QRICH2: variants seen among roughly 807,000 people sequenced by gnomAD.
The protein encoded by QRICH2 is glutamine-rich protein 2.
A neutral mutation model predicts 168.3 loss-of-function variants in QRICH2; 119 were observed. That is an observed-to-expected ratio of 0.71 (90% CI 0.61 to 0.82). The LOEUF (loss-of-function observed/expected upper bound fraction) is 0.82. QRICH2 is among the 40% of genes least tolerant of loss of function. The pLI is 0.00. For synonymous variants in QRICH2, 894 were observed against 951.2 expected (o/e 0.94, Z 1.11); for missense variants, 2,241 against 2,491.6 (o/e 0.90, Z 2.14).
chr17:76,274,269 C>T lies in QRICH2; in HGVS notation c.5483-9G>A, dbSNP rs1294686905. The T allele has an allele frequency of 6.3e-7, 1 of 1,581,766 alleles. No homozygotes were observed. Among genetic ancestry groups the T allele is most frequent in the East Asian group, 2.4e-5 (1 of 42,180 alleles). ...CTGTTGACGAGAAGAAACTGTAAGA[C>T]AGGGGTGCTGAGGTTGCTCAACACA... On this transcript the variant is annotated splice_polypyrimidine_tract_variant and intron_variant, in intron 18 of 18. Transcript: ENST00000680821.
chr17:76,276,677 C>T lies in QRICH2; in HGVS notation c.5353+3G>A. The stretch of plus-strand genomic sequence containing the variant: ...TGCCTGGGGGCCTCTGGACTCCACT[C>T]ACTGTCTTTTCGGAGGATGCCTGGC... On this transcript the variant is annotated splice_donor_region_variant and intron_variant, in intron 17 of 18. Coordinates refer to ENST00000680821, the MANE Select transcript of QRICH2 (RefSeq NM_001388453.1). 6.2e-7 allele frequency: 1 copy of T among 1,613,018 alleles called. No homozygotes were observed. Among genetic ancestry groups the T allele is most frequent in the East Asian group, 2.2e-5 (1 of 44,888 alleles).
chr17:76,280,108 C>A lies in QRICH2; in HGVS notation c.4673G>T (p.Arg1558Leu), dbSNP rs148370256. The change falls in exon 12 of 19, where the codon CGG becomes CTG. Residue 1558 changes from arginine (R) to leucine (L), a missense_variant. Coordinates refer to ENST00000680821, the MANE Select transcript of QRICH2 (RefSeq NM_001388453.1). This position sits in a 1 kb window ranked among gnomAD's most constrained non-coding sequence, Gnocchi z 7.4. ...GAGCTGCTGTCGCAGCGATTTCCAC[C>A]GATCCTCCAGCAACTGCTTCACTGG... The part of the protein sequence containing the change: ...LDPVKQLLED[R>L]WKSLRQQLRE... 1 of 1,613,828 alleles carries A rather than the reference C, an allele frequency of 6.2e-7. No individual in the cohort carries two copies. The highest frequency in any genetic ancestry group is 1.1e-5 in the South Asian group (1 of 91,088).
rs2070777395 is a variant in QRICH2, at chr17:76,280,919, A to G, written c.4298T>C (p.Ile1433Thr). 6.2e-7 allele frequency: 1 copy of G among 1,612,244 alleles called. No homozygotes were observed. The highest frequency in any genetic ancestry group is 2.2e-5 in the East Asian group (1 of 44,848). ...CTCGCAGTCACCCTGCACCTGCAGG[A>G]TGGCACTCTGCACACGGCCCAGCAG... ...EELLGRVQSAILQVQGDCEKL... is the reference protein window; with the variant it reads ...EELLGRVQSATLQVQGDCEKL... The change falls in exon 9 of 19, where the codon ATC becomes ACC. Residue 1433 changes from isoleucine to threonine, a missense_variant. Ile to Thr is a moderately conservative substitution (Grantham distance 89). This residue lies in a region of QRICH2 where 2,047 missense variants were observed against 2,303.8 expected (regional missense o/e 0.89). Transcript: ENST00000680821. The surrounding 1 kb of genome is among the most constrained non-coding windows in gnomAD (Gnocchi z 7.4).
chr17:76,294,026 T>C lies in QRICH2; in HGVS notation c.706-5A>G. On this transcript the variant is annotated splice_polypyrimidine_tract_variant and splice_region_variant and intron_variant, in intron 3 of 18. Transcript: ENST00000680821. ...TCCCATAAGTGTTTCTGAGCCCTGG[T>C]TGGAGAGGAAGAAGGAAATCAATAA... is the stretch of plus-strand genomic sequence containing the variant. 1 of 1,587,102 alleles carries C rather than the reference T, an allele frequency of 6.3e-7. No homozygotes were observed. Among genetic ancestry groups the C allele is most frequent in the Non-Finnish European group, 8.6e-7 (1 of 1,165,424 alleles).
At chr17:76,288,447 G>A (rs896666532) in intron 5 of QRICH2, among the ~76,000 whole-genome samples, 1 of 144,200 alleles carries the variant, frequency 6.9e-6, no homozygotes, top group African/African-American at 2.6e-5. Context: ...GATCACACCT[G>A]TAATCCCAGC....
At position 76,292,081 on chromosome 17, in the gene QRICH2, G is replaced by C. The variant is rs1321917252; in HGVS notation, c.2646C>G (p.Val882=). The change falls in exon 4 of 19, where the codon GTC becomes GTG. Residue 882 remains valine (V), a synonymous_variant. Coordinates refer to ENST00000680821, the MANE Select transcript of QRICH2 (RefSeq NM_001388453.1). The stretch of plus-strand genomic sequence containing the variant: ...AACCACGCTGGTCCATTCCAGGTTG[G>C]ACCAAACCACGCTGATCCACTCCAG... ...VQPGVDQRGL[V]QPGMDQRGLI... is the part of the protein sequence containing the mutation. 2 of 1,613,060 alleles carry C rather than the reference G, an allele frequency of 1.2e-6. No individual in the cohort carries two copies. Among genetic ancestry groups the C allele is most frequent in the South Asian group, 2.2e-5 (2 of 91,050 alleles).
rs961612223 is a variant in QRICH2, at chr17:76,281,373, C to T, written c.4264-420G>A. ...AGGAGTGATGTGCTGTCCCGGGGCACTTGAGAGCTGGGCTGTGGGCTTTAT... is the reference window on the plus strand; with the variant it reads ...AGGAGTGATGTGCTGTCCCGGGGCATTTGAGAGCTGGGCTGTGGGCTTTAT... On this transcript the variant is annotated intron_variant, in intron 8 of 18. Transcript: ENST00000680821. This position sits in a 1 kb window ranked among gnomAD's most constrained non-coding sequence, Gnocchi z 4.4. Among the ~76,000 whole-genome samples, 26 of 152,124 alleles carry T rather than the reference C, an allele frequency of 1.7e-4. No homozygotes were observed. The highest frequency in any genetic ancestry group is 5.8e-4 in the African/African-American group (24 of 41,420).
Position 76,281,862 on chromosome 17 carries a change from A to G in QRICH2, c.4263+2T>C. 1 of 1,612,210 alleles carries G rather than the reference A, an allele frequency of 6.2e-7. No homozygotes were observed. The highest frequency in any genetic ancestry group is 1.1e-5 in the South Asian group (1 of 91,016). On this transcript the variant is annotated splice_donor_variant, in intron 8 of 18. Coordinates refer to ENST00000680821, the MANE Select transcript of QRICH2 (RefSeq NM_001388453.1). LOFTEE classifies it high-confidence loss of function. This position sits in a 1 kb window ranked among gnomAD's most constrained non-coding sequence, Gnocchi z 4.4. The stretch of plus-strand genomic sequence containing the variant: ...GCAGGAGGGAGGCGAGCAGAGCCCC[A>G]CCTGTCTCTGGAGCTTGGCCTTCTT...
chr17:76,279,998 C>T (rs762882341), intron 12 of QRICH2, 35 bp downstream of exon 12: 23 of 1,571,080 alleles, frequency 1.5e-5, no homozygotes, highest in South Asian at 7.1e-5. Flanking sequence ...CCCTGAAGAG[C>T]GTGCCAGCCT....
At position 76,281,915 on chromosome 17, in the gene QRICH2, G is replaced by A. The variant is rs758797718; in HGVS notation, c.4212C>T (p.Val1404=). 1.2e-6 allele frequency: 2 copies of A among 1,613,830 alleles called. No homozygotes were observed. The highest frequency in any genetic ancestry group is 1.7e-6 in the Non-Finnish European group (2 of 1,180,026). Reference sequence around the variant, plus strand: ...AGGGTCGGGAGACGGCCAGGCTGTTGACCATGTCTTGGAGTTGCTCATAGC... The same window carrying A: ...AGGGTCGGGAGACGGCCAGGCTGTTAACCATGTCTTGGAGTTGCTCATAGC... ...VRRYEQLQDM[V]NSLAVSRPSK... The change falls in exon 8 of 19, where the codon GTC becomes GTT. Residue 1404 remains valine (V), a synonymous_variant. Coordinates refer to ENST00000680821, the MANE Select transcript of QRICH2 (RefSeq NM_001388453.1). The surrounding 1 kb of genome is among the most constrained non-coding windows in gnomAD (Gnocchi z 4.4).
Position 76,293,623 on chromosome 17 carries a change from C to A in QRICH2, c.1104G>T (p.Leu368Phe), listed in dbSNP as rs759791574. The stretch of plus-strand genomic sequence containing the variant: ...GCACACTACTGGGCTGGTCTCTGGC[C>A]AAGGGTAAGTCCTGTTGAACTGGAC... ...RPGPVQQDLPLARDQPSSVPA... is the reference protein window; with the variant it reads ...RPGPVQQDLPFARDQPSSVPA... Residue 368 changes from leucine to phenylalanine, a missense_variant, in exon 4 of 19, where the codon TTG (leucine) becomes TTT (phenylalanine). By Grantham distance (22) the Leu-to-Phe change is conservative. Transcript: ENST00000680821. 6.2e-7 allele frequency: 1 copy of A among 1,613,948 alleles called. No individual in the cohort carries two copies. The highest frequency in any genetic ancestry group is 8.5e-7 in the Non-Finnish European group (1 of 1,180,028).
At position 76,301,703 on chromosome 17, in the gene QRICH2, A is replaced by ATT. The variant is rs370779519; in HGVS notation, c.705+2710_705+2711dup. On this transcript the variant is annotated intron_variant, in intron 3 of 18. Transcript: ENST00000680821. The stretch of plus-strand genomic sequence containing the variant: ...ATCTTAGAGTTGGTGGTGTTTTATA[A>ATT]TTTTTTTTTTTTTTTTTGAGACAGG... Among the ~76,000 whole-genome samples the ATT allele has an allele frequency of 2.6e-3, 314 of 121,780 alleles. 5 individuals are homozygous for ATT. Among genetic ancestry groups the ATT allele is most frequent in the East Asian group, 7.0e-3 (27 of 3,858 alleles). 79.9% of individuals were successfully genotyped at this position (121,780 alleles called of 152,430 possible).
chr17:76,303,924 G>A (rs980026966), intron 3 of QRICH2, among the ~76,000 whole-genome samples: 2 of 150,402 alleles, frequency 1.3e-5, no homozygotes, highest in African/African-American at 2.4e-5. Context: ...CCCTACAGAG[G>A]TTTTACTTCC....
chr17:76,275,691 C>A (rs751017160), intron 18 of QRICH2, 128 bp downstream of exon 18: 1 of 1,239,346 alleles, frequency 8.1e-7, no homozygotes, highest in Non-Finnish European at 1.1e-6. Flanking sequence ...CTTTTCCACA[C>A]CCATCCCCCC....
chr17:76,279,125 G>T lies in QRICH2; in HGVS notation c.4832C>A (p.Pro1611His), dbSNP rs549534743. 5.0e-6 allele frequency: 8 copies of T among 1,613,244 alleles called. No individual in the cohort carries two copies. The highest frequency in any genetic ancestry group is 4.4e-5 in the South Asian group (4 of 90,994). ...GTGCCCAGGTAGGCCTGGACCCGCGGGGGTCACGGGGATGGCACTGGGCAG... is the reference window on the plus strand; with the variant it reads ...GTGCCCAGGTAGGCCTGGACCCGCGTGGGTCACGGGGATGGCACTGGGCAG... ...PVTGHAIPVTPAGPGLPGHHS... is the reference protein window; with the variant it reads ...PVTGHAIPVTHAGPGLPGHHS... The change falls in exon 14 of 19, where the codon CCC becomes CAC. Residue 1611 changes from proline (P) to histidine (H), a missense_variant. Pro to His is a moderately conservative substitution (Grantham distance 77, BLOSUM62 -2). This residue lies in a region of QRICH2 where 2,047 missense variants were observed against 2,303.8 expected (regional missense o/e 0.89). Coordinates refer to ENST00000680821, the MANE Select transcript of QRICH2 (RefSeq NM_001388453.1).
intron 3 of QRICH2, among the ~76,000 whole-genome samples, chr17:76,302,774 C>G (rs914739051): frequency 7.9e-5 from 12 of 152,168 alleles, no homozygotes; most frequent in African/African-American, 2.7e-4. Flanking sequence ...TTAAGCCACA[C>G]AGATCGGTCT....
rs559789664 is a variant in QRICH2, at chr17:76,285,348, G to A, written c.4011+1844C>T. 1.1e-3 allele frequency among the ~76,000 whole-genome samples: 169 copies of A among 151,908 alleles called. 2 individuals carry two copies. The highest frequency in any genetic ancestry group is 3.1e-3 in the South Asian group (15 of 4,798). On this transcript the variant is annotated intron_variant, in intron 7 of 18. Transcript: ENST00000680821. ...GGGGTTTCACCATGTTGGTCAGGCTGGTCTCGAACTCCTGACCTCGTGATC... is the reference window on the plus strand; with the variant it reads ...GGGGTTTCACCATGTTGGTCAGGCTAGTCTCGAACTCCTGACCTCGTGATC...
intron 4 of QRICH2, among the ~76,000 whole-genome samples, chr17:76,290,667 G>T (rs541790793): frequency 7.5e-4 from 114 of 152,110 alleles, no homozygotes; most frequent in Non-Finnish European, 1.5e-3. Context: ...TTACAGGTGT[G>T]AGCCATTGCT....
intron 3 of QRICH2, among the ~76,000 whole-genome samples, 169 bp from the exon 4 acceptor site, chr17:76,294,190 C>T (rs865868205): frequency 6.6e-6 from 1 of 152,100 alleles, no homozygotes; most frequent in South Asian, 2.1e-4. Context: ...GATGGGAGGC[C>T]GAGGCGGGTG....
Sources: gnomAD v4.1 joint callset for allele counts (sites outside exome capture counted in the v4.1 genomes callset) on GRCh38, gnomAD v4.1.1 for gene constraint, gnomAD v4.1.1 regional missense constraint, Gnocchi (gnomAD v3.1) non-coding constraint, MANE v1.5 for transcripts, NCBI Gene and HGNC (gene_info 2026-07-23, HGNC 2026-07-21) for gene names.